The following DNAH5 variants were observed in gnomAD, a reference collection of about 807,000 sequenced individuals.
DNAH5 encodes the protein axonemal beta dynein heavy chain 5.
In DNAH5, 372 loss-of-function variants were observed where a neutral mutation model predicts 518.2. The observed-to-expected ratio is 0.72, with a 90% CI of 0.66 to 0.78. DNAH5 has a LOEUF of 0.78. DNAH5 is among the 30% of genes least tolerant of loss of function. The pLI is 0.00. For synonymous variants in DNAH5, 2,039 were observed against 2,025.9 expected (o/e 1.01, Z -0.17); for missense variants, 5,523 against 5,687.0 (o/e 0.97, Z 0.93).
At chr5:13,965,041 A>C (rs78526600) in intron 1 of DNAH5, among the ~76,000 whole-genome samples, 2,661 of 152,186 alleles carry the variant, frequency 0.017, 77 homozygotes, top group African/African-American at 0.061. Context: ...CTTGGTTAGT[A>C]ATTACTCCTT....
chr5:13,848,594 G>A (rs888248864), intron 31 of DNAH5, among the ~76,000 whole-genome samples: 46 of 152,244 alleles, frequency 3.0e-4, no homozygotes, highest in African/African-American at 1.1e-3. Context: ...TTGTTTTCCT[G>A]CAACTAAATG....
rs186081994 is a variant in DNAH5, at chr5:13,954,684, G to A, written c.13-23440C>T. 1.6e-3 allele frequency among the ~76,000 whole-genome samples: 250 copies of A among 152,276 alleles called. 2 individuals carry two copies. Among genetic ancestry groups the A allele is most frequent in the Non-Finnish European group, 5.9e-4 (40 of 68,016 alleles). ...CTTCCTCCCCCTTTCCCAAAGTAGA[G>A]GGTTAACACTCGAATCTGTTCCAAC... On this transcript the variant is annotated intron_variant, in intron 1 of 78. Transcript: ENST00000681290.
chr5:13,805,147 T>C (rs1457860960), intron 47 of DNAH5, among the ~76,000 whole-genome samples: 1 of 152,086 alleles, frequency 6.6e-6, no homozygotes, highest in African/African-American at 2.4e-5. Flanking sequence ...AGGTTGAAGT[T>C]TTAAGTCACA....
At position 13,961,636 on chromosome 5, in the gene DNAH5, T is replaced by G. The variant is rs959724308; in HGVS notation, c.13-30392A>C. 2.9e-5 allele frequency among the ~76,000 whole-genome samples: 4 copies of G among 135,920 alleles called. No individual in the cohort carries two copies. The Admixed American group carries it at 3.1e-4, about 11-fold the overall frequency. 89.2% of individuals were successfully genotyped at this position (135,920 alleles called of 152,430 possible). A position where few individuals can be genotyped will look rare whatever the true frequency, so the allele number is the denominator to read the frequency against. ...TCCAGCCCGGGTGACAGAGCAAGAC[T>G]CCTTCTGAAAAAAAGAAAAAGAAAA... is the stretch of plus-strand genomic sequence containing the variant. On this transcript the variant is annotated intron_variant, in intron 1 of 78. Coordinates refer to the DNAH5 transcript ENST00000681290.
intron 1 of DNAH5, among the ~76,000 whole-genome samples, chr5:13,979,496 A>G (rs1782515000): frequency 6.6e-6 from 1 of 152,192 alleles, no homozygotes; most frequent in Non-Finnish European, 1.5e-5. Context: ...GTAGGTGCTC[A>G]ACAACTATGT....
chr5:13,888,847 C>T (rs1772782524), intron 17 of DNAH5, among the ~76,000 whole-genome samples: 1 of 152,150 alleles, frequency 6.6e-6, no homozygotes, highest in Non-Finnish European at 1.5e-5. Context: ...ATGATACATG[C>T]ATATATTCAC....
At chr5:13,907,355 C>T (rs890706358) in intron 12 of DNAH5, among the ~76,000 whole-genome samples, 157 of 152,198 alleles carry the variant, frequency 1.0e-3, no homozygotes, top group African/African-American at 3.2e-3. Context: ...CGCTTGAACC[C>T]GGGAGGCAGA....
chr5:13,767,339 G>C (rs1185759420), intron 58 of DNAH5, among the ~76,000 whole-genome samples: 1 of 152,128 alleles, frequency 6.6e-6, no homozygotes, highest in East Asian at 1.9e-4. Flanking sequence ...TGGCCAGGCT[G>C]GTCTCAAACT....
chr5:13,837,454 G>A (rs879639380), intron 35 of DNAH5, among the ~76,000 whole-genome samples: 3 of 152,132 alleles, frequency 2.0e-5, no homozygotes, highest in Admixed American at 6.5e-5. Context: ...CCTGGAGTCA[G>A]TGGGGGTGTT....
intron 28 of DNAH5, among the ~76,000 whole-genome samples, 160 bp downstream of exon 28, chr5:13,864,235 CTT>C (rs1768892598): frequency 6.6e-6 from 1 of 152,200 alleles, no homozygotes; most frequent in Non-Finnish European, 1.5e-5. Context: ...TCTGTCCCAT[CTT>C]AGGCCAAATA....
chr5:14,010,270 T>G (rs989913322), intron 1 of DNAH5, among the ~76,000 whole-genome samples: 1 of 152,166 alleles, frequency 6.6e-6, no homozygotes, highest in East Asian at 1.9e-4. Flanking sequence ...GGAAGTTAAA[T>G]AAGAGATATT....
At chr5:13,759,448 A>G (rs1751483051) in intron 60 of DNAH5, among the ~76,000 whole-genome samples, 1 of 152,216 alleles carries the variant, frequency 6.6e-6, no homozygotes, top group Non-Finnish European at 1.5e-5. Context: ...AGAGTTGTAG[A>G]AAAAAACAAT....
chr5:13,904,224 T>C (rs947256513), intron 12 of DNAH5, among the ~76,000 whole-genome samples: 1 of 150,960 alleles, frequency 6.6e-6, no homozygotes, highest in East Asian at 1.9e-4. Flanking sequence ...TCACTTAAAA[T>C]TCAAAATAGA....
At chr5:13,713,304 T>TATATATATACCGAC (rs1208789737) in intron 75 of DNAH5, among the ~76,000 whole-genome samples, 3 of 145,560 alleles carry the variant, frequency 2.1e-5, no homozygotes, top group Admixed American at 6.9e-5. Context: ...TATACCGACA[T>TATATATATACCGAC]ATATATATAC....
At chr5:13,983,830 C>T (rs907589336) in intron 1 of DNAH5, among the ~76,000 whole-genome samples, 2 of 152,242 alleles carry the variant, frequency 1.3e-5, no homozygotes, top group Non-Finnish European at 2.9e-5. Context: ...CCACTCCAAG[C>T]TTGCCTCTTG....
intron 16 of DNAH5, among the ~76,000 whole-genome samples, chr5:13,891,587 CCCT>C (rs1773223308): frequency 1.3e-5 from 2 of 152,146 alleles, no homozygotes; most frequent in African/African-American, 2.4e-5. Context: ...TTGGAGTGGT[CCCT>C]CCTCCTGTAA....
intron 52 of DNAH5, among the ~76,000 whole-genome samples, chr5:13,785,035 C>T (rs1194336182): frequency 6.6e-6 from 1 of 151,926 alleles, no homozygotes; most frequent in Non-Finnish European, 1.5e-5. Flanking sequence ...ATTTATTGTG[C>T]ACTTGATTTC....
Position 13,770,788 on chromosome 5 carries a change from T to C in DNAH5, c.9566A>G (p.Tyr3189Cys). ...CCGCACCTCCACATGCTTTTCTCCA[T>C]ATATGAACTTATAGCCCTGAATAAA... is the stretch of plus-strand genomic sequence containing the variant. ...LSFIQGYKFI[Y>C]GEKHVEVRTL... Residue 3189 changes from tyrosine (Y) to cysteine (C), a missense_variant, in exon 56 of 79, where the codon TAT (tyrosine) becomes TGT (cysteine). By Grantham distance (194) the Tyr-to-Cys change is radical. This residue lies in a region of DNAH5 where 5,121 missense variants were observed against 5,223.3 expected (regional missense o/e 0.98). Transcript: ENST00000265104. 1 of 1,614,052 alleles carries C rather than the reference T, an allele frequency of 6.2e-7. No homozygotes were observed. The highest frequency in any genetic ancestry group is 8.5e-7 in the Non-Finnish European group (1 of 1,179,974).
chr5:13,924,675 CAA>C (rs5866075), intron 3 of DNAH5, among the ~76,000 whole-genome samples: 257 of 112,770 alleles, frequency 2.3e-3, no homozygotes, highest in Middle Eastern at 5.0e-3. Context: ...AACTCCGTCT[CAA>C]AAAAAAAAAA....
Sources: allele counts gnomAD v4.1 joint callset (sites outside exome capture counted in the v4.1 genomes callset), GRCh38; gene constraint gnomAD v4.1.1; regional missense constraint gnomAD v4.1.1; transcripts MANE v1.5; gene names NCBI Gene and HGNC (gene_info 2026-07-23, HGNC 2026-07-21).